The following ERC2 variants were observed in gnomAD, a reference collection of about 807,000 sequenced individuals.
ERC2 encodes ELKS/RAB6-interacting/CAST family member 2, also known as ERC protein 2.
A neutral mutation model predicts 114.8 loss-of-function variants in ERC2; 42 were observed. The observed-to-expected ratio is 0.37, with a 90% CI of 0.29 to 0.47. ERC2 has a LOEUF of 0.47. ERC2 is among the 20% of genes least tolerant of loss of function. The probability of loss-of-function intolerance (pLI) is 0.99; values close to 1 mark genes in which losing one functional copy is unlikely to be tolerated. For missense variants in ERC2, 939 were observed against 1,150.7 expected, an observed-to-expected ratio of 0.82 and a Z score of 2.66; for synonymous variants, 454 against 425.5, an observed-to-expected ratio of 1.07 and a Z score of -0.82.
At chr3:55,845,503 C>CA (rs764740068) in intron 14 of ERC2, among the ~76,000 whole-genome samples, 6,034 of 58,562 alleles carry the variant, frequency 0.1, 309 homozygotes, top group Non-Finnish European at 0.14. Context: ...GACTCCGTCT[C>CA]AAAAAAAAAA....
At chr3:55,662,921 G>T (rs182383055) in intron 17 of ERC2, among the ~76,000 whole-genome samples, 39 of 152,256 alleles carry the variant, frequency 2.6e-4, no homozygotes, top group Admixed American at 3.9e-4. Context: ...ATGAGAGAGG[G>T]CTATTTAACT....
intron 17 of ERC2, among the ~76,000 whole-genome samples, chr3:55,602,374 C>T (rs939116740): frequency 6.6e-6 from 1 of 152,180 alleles, no homozygotes; most frequent in African/African-American, 2.4e-5. Flanking sequence ...CCACTGCAGG[C>T]AGCTTTGCTC....
chr3:55,601,302 G>A (rs151255091), intron 17 of ERC2, among the ~76,000 whole-genome samples: 233 of 152,276 alleles, frequency 1.5e-3, no homozygotes, highest in African/African-American at 5.3e-3. Context: ...AGCTCCATAT[G>A]TGACTCCAGG....
chr3:56,310,489 T>C (rs2056472798), intron 2 of ERC2, among the ~76,000 whole-genome samples: 1 of 152,208 alleles, frequency 6.6e-6, no homozygotes, highest in East Asian at 1.9e-4. Flanking sequence ...CTTTTCAGAA[T>C]TGTAAGATGT....
chr3:55,724,018 AG>A (rs2064751499), intron 15 of ERC2, among the ~76,000 whole-genome samples: 2 of 152,206 alleles, frequency 1.3e-5, no homozygotes, highest in African/African-American at 4.8e-5. Flanking sequence ...GAAAGGGACC[AG>A]GAAAAACCTG....
At chr3:56,010,620 G>A in intron 8 of ERC2, 31 bp from the exon 9 acceptor site, 1 of 1,606,810 alleles carries the variant, frequency 6.2e-7, no homozygotes, top group Non-Finnish European at 8.5e-7. Flanking sequence ...AAGAAGAGGT[G>A]AGAACCCATC....
intron 2 of ERC2, among the ~76,000 whole-genome samples, chr3:56,422,750 A>C (rs1210031248): frequency 6.6e-6 from 1 of 152,188 alleles, no homozygotes; most frequent in Non-Finnish European, 1.5e-5. Flanking sequence ...ACCTGAGATC[A>C]AATCGCAGCT....
chr3:56,097,840 C>A (rs537823943), intron 6 of ERC2, among the ~76,000 whole-genome samples: 11 of 152,168 alleles, frequency 7.2e-5, no homozygotes, highest in Non-Finnish European at 1.6e-4. Context: ...TATCAGCAAA[C>A]CTGGTCACTA....
intron 1 of ERC2, among the ~76,000 whole-genome samples, chr3:56,451,965 G>GA (rs1424047543): frequency 6.6e-6 from 1 of 152,052 alleles, no homozygotes; most frequent in Non-Finnish European, 1.5e-5. Context: ...GAGTCCTATG[G>GA]AAAAAAGAGT....
intron 17 of ERC2, among the ~76,000 whole-genome samples, chr3:55,535,353 T>C (rs1241846906): frequency 6.6e-6 from 1 of 152,178 alleles, no homozygotes; most frequent in African/African-American, 2.4e-5. Flanking sequence ...CAAATTCAAC[T>C]AAGGCCCAGA....
intron 17 of ERC2, among the ~76,000 whole-genome samples, chr3:55,677,582 G>A (rs533424081): frequency 6.6e-6 from 1 of 152,216 alleles, no homozygotes; most frequent in Non-Finnish European, 1.5e-5. Context: ...ACAGCCCTGG[G>A]GGTGTCACAA....
At position 55,981,044 on chromosome 3, in the gene ERC2, G is replaced by A. The variant is rs142429175; in HGVS notation, c.2267+4933C>T. Among the ~76,000 whole-genome samples, 378 of 152,358 alleles carry A rather than the reference G, an allele frequency of 2.5e-3. 2 individuals carry two copies. Among genetic ancestry groups the A allele is most frequent in the African/African-American group, 8.7e-3 (363 of 41,584 alleles). ...AGTTCTATAAATCGGAGCTGGCTCAGCAAAACATTAGTCATGGCAAGTCCC... is the reference window on the plus strand; with the variant it reads ...AGTTCTATAAATCGGAGCTGGCTCAACAAAACATTAGTCATGGCAAGTCCC... On this transcript the variant is annotated intron_variant, in intron 12 of 17. Coordinates refer to ENST00000288221, the MANE Select transcript of ERC2 (RefSeq NM_015576.3).
At chr3:56,427,789 G>C (rs1021429528) in intron 2 of ERC2, among the ~76,000 whole-genome samples, 2 of 152,126 alleles carry the variant, frequency 1.3e-5, no homozygotes, top group African/African-American at 4.8e-5. Flanking sequence ...CTGACACCTT[G>C]ATCTTGGATT....
chr3:55,760,526 G>A (rs1443379971), intron 14 of ERC2, among the ~76,000 whole-genome samples: 3 of 152,180 alleles, frequency 2.0e-5, no homozygotes, highest in Non-Finnish European at 4.4e-5. Flanking sequence ...CATTATTAAA[G>A]AATTTTCACA....
chr3:56,256,027 T>G (rs1318192800), intron 3 of ERC2, among the ~76,000 whole-genome samples: 1 of 152,232 alleles, frequency 6.6e-6, no homozygotes, highest in African/African-American at 2.4e-5. Context: ...AATGTGGATC[T>G]TCCTCTACAA....
At chr3:56,045,885 G>A (rs1023349646) in intron 7 of ERC2, among the ~76,000 whole-genome samples, 1 of 152,016 alleles carries the variant, frequency 6.6e-6, no homozygotes, top group Non-Finnish European at 1.5e-5. Context: ...ACTCACCGTG[G>A]TGTGATGAAT....
intron 15 of ERC2, among the ~76,000 whole-genome samples, chr3:55,704,890 A>G (rs2063405284): frequency 6.6e-6 from 1 of 152,248 alleles, no homozygotes; most frequent in South Asian, 2.1e-4. Flanking sequence ...GTGCCAGGCT[A>G]AGTGTTTGGC....
chr3:55,680,713 C>T (rs1168090168), intron 17 of ERC2, among the ~76,000 whole-genome samples: 1 of 152,138 alleles, frequency 6.6e-6, no homozygotes, highest in Non-Finnish European at 1.5e-5. Context: ...CAAGAACTTG[C>T]TGGAAAAGTG....
intron 17 of ERC2, among the ~76,000 whole-genome samples, chr3:55,523,192 A>G (rs61410041): frequency 0.17 from 25,209 of 152,242 alleles, 2,602 homozygotes; most frequent in Middle Eastern, 0.24. Flanking sequence ...CCAAAGCCCA[A>G]TGCAGCAGGA....
Sources: allele counts gnomAD v4.1 joint callset (sites outside exome capture counted in the v4.1 genomes callset), GRCh38; gene constraint gnomAD v4.1.1; transcripts MANE v1.5; gene names NCBI Gene and HGNC (gene_info 2026-07-23, HGNC 2026-07-21).